KAT6B: variants seen among roughly 807,000 people sequenced by gnomAD.
The protein encoded by KAT6B is histone acetyltransferase KAT6B.
Under a neutral mutation model 187.5 loss-of-function variants are expected in KAT6B, and 10 were observed. The ratio of observed to expected loss-of-function variants is 0.05; its 90% CI spans 0.03 to 0.09. The LOEUF (loss-of-function observed/expected upper bound fraction) is 0.09, where lower values mean the gene tolerates loss of function less well. Among genes scored for constraint, KAT6B ranks in the 10% least tolerant of loss-of-function variants. The pLI is 1.00. For synonymous variants in KAT6B, 861 were observed against 926.8 expected (o/e 0.93, Z 1.29); for missense variants, 1,952 against 2,558.9 (o/e 0.76, Z 5.12).
Position 75,031,413 on chromosome 10 carries a change from T to G in KAT6B, c.*367T>G, listed in dbSNP as rs1846312657. 1 of 369,922 alleles carries G rather than the reference T, an allele frequency of 2.7e-6. No homozygotes were observed. The allele number at this position is 369,922 out of a possible 1,614,324, so 22.9% of individuals were successfully genotyped here. Reference sequence around the variant, plus strand: ...TGTTTTAATATTGAACCTAGAGCTTTTTTTTTCCCTTCCCTGTCCACTCCA... The same window carrying G: ...TGTTTTAATATTGAACCTAGAGCTTGTTTTTTCCCTTCCCTGTCCACTCCA... On this transcript the variant is annotated 3_prime_UTR_variant, in exon 18 of 18. Coordinates refer to ENST00000287239, the MANE Select transcript of KAT6B (RefSeq NM_012330.4).
intron 3 of KAT6B, among the ~76,000 whole-genome samples, chr10:74,891,206 C>T (rs1035444687): frequency 6.6e-5 from 10 of 152,348 alleles, no homozygotes; most frequent in Admixed American, 2.0e-4. Context: ...ACCTGGCCAC[C>T]TTTCCATTGC....
chr10:75,014,340 G>C (rs1002110991), intron 13 of KAT6B, among the ~76,000 whole-genome samples: 1 of 152,122 alleles, frequency 6.6e-6, no homozygotes, highest in African/African-American at 2.4e-5. Context: ...ACAAAATAAA[G>C]AGAGAAAGAG....
intron 13 of KAT6B, among the ~76,000 whole-genome samples, chr10:74,994,923 A>G (rs1843334514): frequency 6.6e-6 from 1 of 152,162 alleles, no homozygotes; most frequent in Admixed American, 6.5e-5. Flanking sequence ...ATGCATATTT[A>G]TATCCATGTA....
At chr10:74,959,165 A>G (rs933577216) in intron 3 of KAT6B, among the ~76,000 whole-genome samples, 1 of 152,154 alleles carries the variant, frequency 6.6e-6, no homozygotes, top group Non-Finnish European at 1.5e-5. Context: ...CCTTGTTAAT[A>G]ATGACCTTTT....
At chr10:74,895,803 C>A (rs1054643810) in intron 3 of KAT6B, among the ~76,000 whole-genome samples, 1 of 152,062 alleles carries the variant, frequency 6.6e-6, no homozygotes, top group Non-Finnish European at 1.5e-5. Context: ...CATGAGCCAC[C>A]ATGCCTGGCC....
Position 74,843,027 on chromosome 10 carries a change from A to T in KAT6B, c.170A>T (p.Asp57Val). Residue 57 changes from aspartate to valine, a missense_variant, in exon 3 of 18, where the codon GAT becomes GTT. Physicochemically the swap from Asp to Val is radical, Grantham distance 152. Coordinates refer to ENST00000287239, the MANE Select transcript of KAT6B (RefSeq NM_012330.4). ...VSEQLELSVQDGSVLKVTNKG... is the reference protein window; with the variant it reads ...VSEQLELSVQVGSVLKVTNKG... Reference sequence around the variant, plus strand: ...GAACAGCTGGAACTCAGTGTTCAGGATGGCTCAGTTCTCAAAGTCACCAAC... The same window carrying T: ...GAACAGCTGGAACTCAGTGTTCAGGTTGGCTCAGTTCTCAAAGTCACCAAC... 1 of 1,614,204 alleles carries T rather than the reference A, an allele frequency of 6.2e-7. No homozygotes were observed. Among genetic ancestry groups the T allele is most frequent in the South Asian group, 1.1e-5 (1 of 91,082 alleles).
chr10:74,909,758 A>G (rs1847056084), intron 3 of KAT6B, among the ~76,000 whole-genome samples: 1 of 152,170 alleles, frequency 6.6e-6, no homozygotes, highest in Non-Finnish European at 1.5e-5. Context: ...TTGTCTATAT[A>G]GAGTACTCAG....
intron 14 of KAT6B, 82 bp downstream of exon 14, chr10:75,020,895 C>T (rs1845353188): frequency 3.4e-6 from 4 of 1,173,934 alleles, no homozygotes; most frequent in East Asian, 2.4e-5. Context: ...GCATTCATTC[C>T]AGTTAAAGAC....
chr10:74,830,778 T>A (rs1416927588), intron 1 of KAT6B, among the ~76,000 whole-genome samples: 195 of 57,482 alleles, frequency 3.4e-3, no homozygotes, highest in African/African-American at 5.3e-3. Context: ...ATTTTTTTTT[T>A]TTTTTTTTTT....
rs151069637 is a variant in KAT6B at position 74,977,187 on chromosome 10, C to T, written c.1994-129C>T. ...TATGAGCAGTGCTTAGATGTAAAAGCTTATTTATAAAGCTTTAAAAAAAAT... is the reference window on the plus strand; with the variant it reads ...TATGAGCAGTGCTTAGATGTAAAAGTTTATTTATAAAGCTTTAAAAAAAAT... On this transcript the variant is annotated intron_variant, in intron 8 of 17. Coordinates refer to ENST00000287239, the MANE Select transcript of KAT6B (RefSeq NM_012330.4). The T allele has an allele frequency of 5.3e-5, 48 of 911,204 alleles. No individual in the cohort carries two copies. In the East Asian group the frequency reaches 1.3e-3, roughly 24 times the overall value. The allele number at this position is 911,204 out of a possible 1,614,324, so 56.4% of individuals were successfully genotyped here. A position where few individuals can be genotyped will look rare whatever the true frequency, so the allele number is the denominator to read the frequency against.
chr10:74,934,584 T>C (rs1434535821), intron 3 of KAT6B, among the ~76,000 whole-genome samples: 1 of 152,164 alleles, frequency 6.6e-6, no homozygotes, highest in Non-Finnish European at 1.5e-5. Flanking sequence ...ACCAGCAGGC[T>C]CTGGAGTCTC....
At chr10:74,853,930 A>G (rs1339236305) in intron 3 of KAT6B, among the ~76,000 whole-genome samples, 1 of 152,030 alleles carries the variant, frequency 6.6e-6, no homozygotes. Flanking sequence ...CGCCCAGCCC[A>G]TTGTTTTATC....
intron 3 of KAT6B, among the ~76,000 whole-genome samples, chr10:74,877,181 G>A (rs1844479730): frequency 1.3e-5 from 2 of 151,914 alleles, no homozygotes; most frequent in Admixed American, 1.3e-4. Context: ...GGCCAGGCTG[G>A]TGTCAAACTC....
intron 4 of KAT6B, among the ~76,000 whole-genome samples, chr10:74,967,745 C>T (rs1841578412): frequency 6.6e-6 from 1 of 152,066 alleles, no homozygotes; most frequent in Non-Finnish European, 1.5e-5. Context: ...ATTCCTTGCC[C>T]CTGATTGAAA....
intron 3 of KAT6B, among the ~76,000 whole-genome samples, chr10:74,930,296 A>C (rs966116904): frequency 6.6e-6 from 1 of 152,182 alleles, no homozygotes; most frequent in Admixed American, 6.5e-5. Flanking sequence ...TGTACCAGAT[A>C]TATTTATTTT....
intron 3 of KAT6B, among the ~76,000 whole-genome samples, chr10:74,932,304 C>G (rs1184231337): frequency 6.6e-6 from 1 of 152,196 alleles, no homozygotes; most frequent in Admixed American, 6.5e-5. Context: ...ATTCCCACAA[C>G]AACTATAGTT....
chr10:74,843,630 A>G (rs1254384428), intron 3 of KAT6B, 152 bp downstream of exon 3: 4 of 925,104 alleles, frequency 4.3e-6, no homozygotes, highest in Non-Finnish European at 4.9e-6. Flanking sequence ...TAAAATGTAT[A>G]TATTGTACTG....
intron 3 of KAT6B, among the ~76,000 whole-genome samples, chr10:74,850,710 A>G (rs1842424150): frequency 6.6e-6 from 1 of 152,246 alleles, no homozygotes; most frequent in Non-Finnish European, 1.5e-5. Flanking sequence ...AGGTCAGATT[A>G]TGAGGACTTT....
intron 11 of KAT6B, 25 bp from the exon 12 acceptor site, chr10:74,985,055 A>T: frequency 6.2e-7 from 1 of 1,605,058 alleles, no homozygotes; most frequent in Non-Finnish European, 8.5e-7. Flanking sequence ...TATGTTAAAT[A>T]ATGTTGTCTG....
Sources: gnomAD v4.1 joint callset for allele counts (sites outside exome capture counted in the v4.1 genomes callset) on GRCh38, gnomAD v4.1.1 for gene constraint, MANE v1.5 for transcripts, NCBI Gene and HGNC (gene_info 2026-07-23, HGNC 2026-07-21) for gene names.